The following UFSP2 variants were observed in gnomAD, a reference collection of about 807,000 sequenced individuals.
UFSP2 encodes UFM1 specific peptidase 2, also known as ufm1-specific protease 2.
A neutral mutation model predicts 60.2 loss-of-function variants in UFSP2; 43 were observed. The observed-to-expected ratio is 0.71, with a 90% CI of 0.56 to 0.92. UFSP2 has a LOEUF of 0.92. Among genes scored for constraint, UFSP2 ranks in the 40% least tolerant of loss-of-function variants. The pLI is 0.00. For missense variants in UFSP2, 520 were observed against 575.0 expected, an observed-to-expected ratio of 0.90 and a Z score of 0.98; for synonymous variants, 183 against 195.1, an observed-to-expected ratio of 0.94 and a Z score of 0.52.
intron 10 of UFSP2, among the ~76,000 whole-genome samples, chr4:185,404,273 T>TA (rs2095517261): frequency 6.7e-6 from 1 of 150,164 alleles, no homozygotes; most frequent in Non-Finnish European, 1.5e-5. Context: ...CCTCCAGTGA[T>TA]ATAGCACTCC....
Position 185,405,760 on chromosome 4 carries a change from C to A in UFSP2, c.1198+20G>T. 6.2e-7 allele frequency: 1 copy of A among 1,611,898 alleles called. No homozygotes were observed. The highest frequency in any genetic ancestry group is 8.5e-7 in the Non-Finnish European group (1 of 1,178,506). On this transcript the variant is annotated intron_variant, in intron 10 of 11. Transcript: ENST00000264689. Reference sequence around the variant, plus strand: ...TGCATATTACTCACTCTACCAAAAACAGTGTCTGAAACAGCTTACCGATCA... The same window carrying A: ...TGCATATTACTCACTCTACCAAAAAAAGTGTCTGAAACAGCTTACCGATCA...
At position 185,405,866 on chromosome 4, in the gene UFSP2, A is replaced by C. The variant is rs763293044; in HGVS notation, c.1122-10T>G. The C allele has an allele frequency of 9.9e-6, 16 of 1,614,060 alleles. No individual in the cohort carries two copies. The highest frequency in any genetic ancestry group is 1.3e-5 in the Non-Finnish European group (15 of 1,179,974). On this transcript the variant is annotated splice_polypyrimidine_tract_variant and intron_variant, in intron 9 of 11. Transcript: ENST00000264689. ...AATTTCTGAACCTTGGCTAGAAAGA[A>C]ACCATTTTCTATCAGATGAACTACT...
chr4:185,407,664 A>AT (rs900008550), intron 9 of UFSP2, among the ~76,000 whole-genome samples: 1 of 152,134 alleles, frequency 6.6e-6, no homozygotes, highest in African/African-American at 2.4e-5. Flanking sequence ...ACGTTAATAT[A>AT]TTTTTAAGTT....
chr4:185,403,540 T>C lies in UFSP2; in HGVS notation c.1277A>G (p.Asp426Gly). 10 of 1,614,184 alleles carry C rather than the reference T, an allele frequency of 6.2e-6. No individual in the cohort carries two copies. The highest frequency in any genetic ancestry group is 8.5e-6 in the Non-Finnish European group (10 of 1,180,026). The change falls in exon 11 of 12, where the codon GAT becomes GGT. Residue 426 changes from aspartate (D) to glycine (G), a missense_variant. Coordinates refer to ENST00000264689, the MANE Select transcript of UFSP2 (RefSeq NM_018359.5). ...GTCTTCAGCACCGGTATAATGTGGA[T>C]CTAGAATCAGAAACTTTATCTGCCC... ...ITGQIKFLIL[D>G]PHYTGAEDLQ...
chr4:185,406,142 A>T (rs1198983515), intron 9 of UFSP2: 1 of 403,894 alleles, frequency 2.5e-6, no homozygotes, highest in Non-Finnish European at 4.6e-6. Context: ...TTTTAACATG[A>T]AGTTAAAACA....
intron 4 of UFSP2, among the ~76,000 whole-genome samples, chr4:185,418,143 T>C (rs547404322): frequency 1.3e-5 from 2 of 152,186 alleles, no homozygotes; most frequent in South Asian, 4.1e-4. Context: ...ATGTGTCACT[T>C]TGTCATGATT....
chr4:185,419,921 G>A (rs1292798136), intron 2 of UFSP2, among the ~76,000 whole-genome samples: 2 of 152,072 alleles, frequency 1.3e-5, no homozygotes, highest in Admixed American at 6.6e-5. Context: ...ATTCTCTTGG[G>A]TGATCACCTA....
intron 2 of UFSP2, among the ~76,000 whole-genome samples, chr4:185,419,313 G>C (rs1214513159): frequency 6.6e-6 from 1 of 152,028 alleles, no homozygotes; most frequent in East Asian, 1.9e-4. Context: ...TGTATTTTTA[G>C]TAGAGACGGG....
chr4:185,405,680 T>A, intron 10 of UFSP2, 100 bp downstream of exon 10: 1 of 1,376,862 alleles, frequency 7.3e-7, no homozygotes. Flanking sequence ...AATTTCAAAA[T>A]TTTTTAAATG....
At chr4:185,407,137 A>G (rs13122086) in intron 9 of UFSP2, among the ~76,000 whole-genome samples, 108,417 of 146,588 alleles carry the variant, frequency 0.74, 40,890 homozygotes, top group East Asian at 0.99. Flanking sequence ...TGCAACCTCC[A>G]CCTCCTGGGT....
chr4:185,413,220 T>C (rs1320743649), intron 7 of UFSP2, among the ~76,000 whole-genome samples: 2 of 151,884 alleles, frequency 1.3e-5, no homozygotes, highest in African/African-American at 2.4e-5. Context: ...AAACCCTGTC[T>C]CTACTAAAAA....
At chr4:185,402,077 A>C (rs2095513905) in intron 11 of UFSP2, among the ~76,000 whole-genome samples, 1 of 151,842 alleles carries the variant, frequency 6.6e-6, no homozygotes, top group South Asian at 2.1e-4. Context: ...CCACCACAGC[A>C]CCAGCCTCGT....
intron 11 of UFSP2, among the ~76,000 whole-genome samples, chr4:185,401,870 A>G (rs2095513642): frequency 6.6e-6 from 1 of 152,216 alleles, no homozygotes; most frequent in South Asian, 2.1e-4. Flanking sequence ...CCCTTGAGTC[A>G]ACCAGAAAAG....
chr4:185,404,365 G>A (rs895919030), intron 10 of UFSP2, among the ~76,000 whole-genome samples: 1 of 147,066 alleles, frequency 6.8e-6, no homozygotes, highest in Non-Finnish European at 1.5e-5. Context: ...GCGTGACCTC[G>A]GCTCACTGCA....
In UFSP2 at chr4:185,402,454, A is replaced by G. The variant is rs1457417909; in HGVS notation, c.1323+1040T>C. On this transcript the variant is annotated intron_variant, in intron 11 of 11. Coordinates refer to ENST00000264689, the MANE Select transcript of UFSP2 (RefSeq NM_018359.5). ...CAAAAGACTTCAGTAAACTGAGGAT[A>G]TAACAGAGTTGGACTACACACATTA... 16 of 371,656 alleles carry G rather than the reference A, an allele frequency of 4.3e-5. No individual in the cohort carries two copies. The Admixed American group carries it at 4.6e-4, about 11-fold the overall frequency. 23.0% of individuals were successfully genotyped at this position (371,656 alleles called of 1,614,324 possible). A position where few individuals can be genotyped will look rare whatever the true frequency, so the allele number is the denominator to read the frequency against.
Position 185,400,542 on chromosome 4 carries a change from G to A in UFSP2, c.1324-64C>T, listed in dbSNP as rs529079598. The A allele has an allele frequency of 4.5e-5, 55 of 1,225,858 alleles. No homozygotes were observed. The African/African-American group carries it at 5.1e-4, about 11-fold the overall frequency. The allele number at this position is 1,225,858 out of a possible 1,614,324, so 75.9% of individuals were successfully genotyped here. ...GTTACAAGATTATGTCATGGAAATC[G>A]TGACATCAGGCTCTGTCAGCAGGAC... On this transcript the variant is annotated intron_variant, in intron 11 of 11. Coordinates refer to ENST00000264689, the MANE Select transcript of UFSP2 (RefSeq NM_018359.5).
intron 10 of UFSP2, among the ~76,000 whole-genome samples, chr4:185,404,457 A>C (rs750032393): frequency 3.3e-5 from 5 of 151,492 alleles, no homozygotes; most frequent in Non-Finnish European, 7.4e-5. Context: ...CAGCACACCC[A>C]GCGAATTTTT....
At position 185,418,069 on chromosome 4, in the gene UFSP2, A is replaced by ACACACACACACAC. The variant is rs1422329406; in HGVS notation, c.333+371_333+372insGTGTGTGTGTGTG. Reference sequence around the variant, plus strand: ...CAAAACACACACACACACACACACAAACAACAGAACCAAGAGTAGTGTGAA... The same window carrying ACACACACACACAC: ...CAAAACACACACACACACACACACAACACACACACACACACAACAGAACCAAGAGTAGTGTGAA... On this transcript the variant is annotated intron_variant, in intron 4 of 11. Coordinates refer to ENST00000264689, the MANE Select transcript of UFSP2 (RefSeq NM_018359.5). 5.4e-3 allele frequency among the ~76,000 whole-genome samples: 123 copies of ACACACACACACAC among 22,776 alleles called. 1 individual carries two copies. The highest frequency in any genetic ancestry group is 0.018 in the African/African-American group (97 of 5,274). The allele number at this position is 22,776 out of a possible 152,430, so 14.9% of individuals were successfully genotyped here.
At chr4:185,403,966 C>CAATAAAA in intron 10 of UFSP2, among the ~76,000 whole-genome samples, 1 of 85,122 alleles carries the variant, frequency 1.2e-5, no homozygotes, top group East Asian at 5.0e-4. Flanking sequence ...GCAAGACTCT[C>CAATAAAA]AAAAAAAAAA....
Sources: allele counts gnomAD v4.1 joint callset (sites outside exome capture counted in the v4.1 genomes callset), GRCh38; gene constraint gnomAD v4.1.1; transcripts MANE v1.5; gene names NCBI Gene and HGNC (gene_info 2026-07-23, HGNC 2026-07-21).